The following RP1 variants were observed in gnomAD, a reference collection of about 807,000 sequenced individuals.
RP1 encodes RP1 axonemal microtubule associated.
Under a neutral mutation model 14.8 loss-of-function variants are expected in RP1, and 16 were observed. The observed-to-expected ratio is 1.08, with a 90% confidence interval of 0.73 to 1.65. The LOEUF is 1.65. RP1 is among the 40% of genes most tolerant of loss of function. The pLI is 0.00. For synonymous variants in RP1, 876 were observed against 883.6 expected, an observed-to-expected ratio of 0.99 and a Z score of 0.15; for missense variants, 2,631 against 2,535.0, an observed-to-expected ratio of 1.04 and a Z score of -0.81.
Position 54,831,972 on chromosome 8 carries a change from G to A in RP1, c.3616-5478G>A, listed in dbSNP as rs774547769. ...CATTTGTTCTTAGAACTTAAAAGAT[G>A]CTTTATCGTATTCTGGCCTGCGTTA... On this transcript the variant is annotated intron_variant, in intron 24 of 28. Transcript: ENST00000637698. Among the ~76,000 whole-genome samples the A allele has an allele frequency of 1.5e-4, 23 of 151,670 alleles. 1 individual carries two copies. The highest frequency in any genetic ancestry group is 2.5e-4 in the Non-Finnish European group (17 of 67,758).
chr8:54,607,970 T>C (rs552322188), intron 1 of RP1, among the ~76,000 whole-genome samples: 1 of 152,208 alleles, frequency 6.6e-6, no homozygotes, highest in African/African-American at 2.4e-5. Context: ...GGAAAGGGAA[T>C]TCCCTGACCC....
At chr8:54,706,190 G>A (rs1436431214) in intron 14 of RP1, among the ~76,000 whole-genome samples, 3 of 152,014 alleles carry the variant, frequency 2.0e-5, no homozygotes, top group Non-Finnish European at 2.9e-5. Flanking sequence ...TATGTGTTTT[G>A]TATCTTTTAA....
At chr8:54,562,726 A>C (rs936232235) in intron 1 of RP1, among the ~76,000 whole-genome samples, 1 of 152,212 alleles carries the variant, frequency 6.6e-6, no homozygotes, top group African/African-American at 2.4e-5. Context: ...GTATTAGTAT[A>C]AGTTGATAAT....
intron 17 of RP1, among the ~76,000 whole-genome samples, chr8:54,728,087 C>A (rs75054160): frequency 0.029 from 4,407 of 152,054 alleles, 122 homozygotes; most frequent in African/African-American, 0.065. Context: ...AGGCAAATGC[C>A]ACTTATAAAA....
chr8:54,638,880 T>TTTCTCTC (rs1196726067), intron 3 of RP1, among the ~76,000 whole-genome samples: 6 of 120,206 alleles, frequency 5.0e-5, no homozygotes, highest in African/African-American at 2.1e-4. Context: ...TTTAATTTTC[T>TTTCTCTC]TCTCTCTCTC....
chr8:54,730,524 G>C (rs1263729006), intron 17 of RP1, among the ~76,000 whole-genome samples: 1 of 152,040 alleles, frequency 6.6e-6, no homozygotes, highest in Non-Finnish European at 1.5e-5. Flanking sequence ...AGTTAATACA[G>C]TCTCAGCTTG....
chr8:54,677,141 T>C (rs1308060910), intron 8 of RP1, among the ~76,000 whole-genome samples: 1 of 151,628 alleles, frequency 6.6e-6, no homozygotes, highest in Non-Finnish European at 1.5e-5. Flanking sequence ...GGTTTACCTA[T>C]GTCTGTCCTG....
In RP1 at chr8:54,630,410, A is replaced by T. The variant is rs1806221886; in HGVS notation, c.*57A>T. On this transcript the variant is annotated 3_prime_UTR_variant, in exon 4 of 4. Transcript: ENST00000220676. ...TTCATTTTTTCCCATGAGATGAAGCACATGTGACGAATACGGACTAGATAA... is the reference window on the plus strand; with the variant it reads ...TTCATTTTTTCCCATGAGATGAAGCTCATGTGACGAATACGGACTAGATAA... The T allele has an allele frequency of 6.2e-7, 1 of 1,603,178 alleles. No homozygotes were observed. The highest frequency in any genetic ancestry group is 1.3e-5 in the African/African-American group (1 of 74,780).
chr8:54,794,722 C>A (rs572976984), intron 24 of RP1, among the ~76,000 whole-genome samples: 58 of 151,982 alleles, frequency 3.8e-4, no homozygotes, highest in African/African-American at 1.4e-3. Context: ...CAAAAATACA[C>A]AAACGGGCTG....
At chr8:54,706,713 C>T in intron 15 of RP1, 1 of 1,495,524 alleles carries the variant, frequency 6.7e-7, no homozygotes, top group Non-Finnish European at 9.0e-7. Flanking sequence ...CAGTTGTAGA[C>T]ATGAGAATAG....
intron 24 of RP1, among the ~76,000 whole-genome samples, chr8:54,792,481 C>G (rs2129385108): frequency 6.6e-6 from 1 of 151,906 alleles, no homozygotes; most frequent in East Asian, 1.9e-4. Context: ...TTAATAAATT[C>G]AAGAAGATTG....
chr8:54,727,355 C>T (rs1039324700), intron 17 of RP1, among the ~76,000 whole-genome samples: 1 of 152,060 alleles, frequency 6.6e-6, no homozygotes, highest in African/African-American at 2.4e-5. Flanking sequence ...GTTAAAATTT[C>T]TCACAGCAGA....
At chr8:54,746,923 C>T (rs1025258120) in intron 19 of RP1, among the ~76,000 whole-genome samples, 1 of 152,086 alleles carries the variant, frequency 6.6e-6, no homozygotes, top group African/African-American at 2.4e-5. Flanking sequence ...TAGTCTTGTT[C>T]GTCTGAGAAG....
chr8:54,732,711 G>A (rs1808823482), intron 17 of RP1, among the ~76,000 whole-genome samples: 1 of 152,154 alleles, frequency 6.6e-6, no homozygotes, highest in South Asian at 2.1e-4. Flanking sequence ...TGGGCCTGAG[G>A]AAATTCCAAG....
chr8:54,630,186 C>A lies in RP1; in HGVS notation c.6304C>A (p.Gln2102Lys), dbSNP rs201536102. 2 of 1,613,626 alleles carry A rather than the reference C, an allele frequency of 1.2e-6. No individual in the cohort carries two copies. Among genetic ancestry groups the A allele is most frequent in the Admixed American group, 1.7e-5 (1 of 60,020 alleles). The change falls in exon 4 of 4, where the codon CAA becomes AAA. Residue 2102 changes from glutamine (Q) to lysine (K), a missense_variant. Transcript: ENST00000220676. ...NCHYFFEMLG[Q>K]ACLLDICQVE... ...TCATTACTTCTTTGAAATGCTTGGT[C>A]AAGCTTGCCTCTTAGATATTTGCCA...
rs578039436 is a variant in RP1, at chr8:54,822,434, AAAC to A, written c.3616-15013_3616-15011del. On this transcript the variant is annotated intron_variant, in intron 24 of 28. Coordinates refer to the RP1 transcript ENST00000637698. ...GAATATGAAAGAAAGAAATTAGAAA[AAAC>A]AAATTATTAACAATTTAGTTTAAAT... Among the ~76,000 whole-genome samples, 490 of 152,338 alleles carry A rather than the reference AAAC, an allele frequency of 3.2e-3. 1 individual carries two copies. Among genetic ancestry groups the A allele is most frequent in the Non-Finnish European group, 4.4e-3 (299 of 68,012 alleles).
intron 16 of RP1, among the ~76,000 whole-genome samples, chr8:54,724,737 G>A (rs958548910): frequency 2.0e-5 from 3 of 152,184 alleles, no homozygotes; most frequent in Non-Finnish European, 2.9e-5. Context: ...TCTACAGAGC[G>A]ATAGGAACTT....
intron 19 of RP1, among the ~76,000 whole-genome samples, chr8:54,740,355 C>T (rs1376022488): frequency 1.6e-5 from 2 of 128,480 alleles, no homozygotes; most frequent in South Asian, 2.4e-4. Flanking sequence ...CAGGCCTAGG[C>T]GAATGTGTAT....
intron 22 of RP1, among the ~76,000 whole-genome samples, chr8:54,761,903 G>A (rs1483201742): frequency 6.6e-6 from 1 of 152,042 alleles, no homozygotes; most frequent in Non-Finnish European, 1.5e-5. Context: ...TAGAACTTGG[G>A]GCACAGCAGG....
Sources: gnomAD v4.1 joint callset for allele counts (sites outside exome capture counted in the v4.1 genomes callset) on GRCh38, gnomAD v4.1.1 for gene constraint, MANE v1.5 for transcripts, NCBI Gene and HGNC (gene_info 2026-07-23, HGNC 2026-07-21) for gene names.